Variants in CLDN14 observed in about 807,000 individuals in gnomAD.
CLDN14 encodes claudin 14.
A neutral mutation model predicts 2.1 loss-of-function variants in CLDN14; 2 were observed. That is an observed-to-expected ratio of 0.96 (90% CI 0.39 to 3.01). CLDN14 has a LOEUF of 3.01. Among genes scored for constraint, CLDN14 ranks in the 30% most tolerant of loss-of-function variants. The probability of loss-of-function intolerance (pLI) is 0.09; values close to 1 mark genes in which losing one functional copy is unlikely to be tolerated. For missense variants in CLDN14, 298 were observed against 328.0 expected, an observed-to-expected ratio of 0.91 and a Z score of 0.71; for synonymous variants, 136 against 154.4, an observed-to-expected ratio of 0.88 and a Z score of 0.88.
rs148276782 is a variant in CLDN14, at chr21:36,474,393, T to C, written c.-82+5102A>G. The stretch of plus-strand genomic sequence containing the variant: ...ACAATTTCAAATGATACTTATAAGA[T>C]GCTTGCTAGACCTCATGATGTAATG... On this transcript the variant is annotated intron_variant, in intron 1 of 1. Transcript: ENST00000399135. 3.4e-3 allele frequency among the ~76,000 whole-genome samples: 525 copies of C among 152,352 alleles called. 2 individuals are homozygous for C. The highest frequency in any genetic ancestry group is 0.014 in the Middle Eastern group (4 of 294).
intron 1 of CLDN14, among the ~76,000 whole-genome samples, chr21:36,554,371 A>G (rs1268525560): frequency 6.6e-6 from 1 of 152,116 alleles, no homozygotes; most frequent in Non-Finnish European, 1.5e-5. Context: ...CCAGTCTCAA[A>G]AGAAGGGCTT....
At chr21:36,486,929 C>A in intron 2 of CLDN14, 1 of 575,088 alleles carries the variant, frequency 1.7e-6, no homozygotes, top group South Asian at 1.6e-5. Context: ...ACTTCACAGT[C>A]ATTAGCCAGT....
intron 1 of CLDN14, among the ~76,000 whole-genome samples, chr21:36,547,616 C>T (rs372215666): frequency 4.6e-5 from 7 of 152,118 alleles, no homozygotes; most frequent in Admixed American, 1.3e-4. Flanking sequence ...AAGTTAAATG[C>T]GAGGGTCCCT....
At chr21:36,543,333 T>C (rs1456853436) in intron 1 of CLDN14, among the ~76,000 whole-genome samples, 2 of 152,230 alleles carry the variant, frequency 1.3e-5, no homozygotes, top group African/African-American at 2.4e-5. Context: ...AAAATGTCCC[T>C]GCTCTTTGAG....
At chr21:36,492,695 C>CA (rs1217092125) in intron 2 of CLDN14, among the ~76,000 whole-genome samples, 2 of 151,898 alleles carry the variant, frequency 1.3e-5, no homozygotes, top group Admixed American at 1.3e-4. Context: ...GCTGTCCTTA[C>CA]AAAAAAAGGA....
intron 1 of CLDN14, among the ~76,000 whole-genome samples, chr21:36,543,010 C>G (rs2087502190): frequency 6.6e-6 from 1 of 152,220 alleles, no homozygotes; most frequent in African/African-American, 2.4e-5. Context: ...AATAGCACAA[C>G]CTGGCGGGGG....
intron 1 of CLDN14, among the ~76,000 whole-genome samples, chr21:36,557,414 T>C (rs1225426338): frequency 6.6e-6 from 1 of 151,992 alleles, no homozygotes; most frequent in African/African-American, 2.4e-5. Flanking sequence ...CCACCAAGAG[T>C]GAACAAGCGT....
Position 36,480,065 on chromosome 21 carries a change from GTCC to G in CLDN14, c.-655_-653del, listed in dbSNP as rs139003220. 2 of 152,610 alleles carry G rather than the reference GTCC, an allele frequency of 1.3e-5. No homozygotes were observed. The highest frequency in any genetic ancestry group is 1.9e-4 in the East Asian group (1 of 5,200). 9.5% of individuals were successfully genotyped at this position (152,610 alleles called of 1,614,324 possible). A position where few individuals can be genotyped will look rare whatever the true frequency, so the allele number is the denominator to read the frequency against. ...CTGACCACCTGCCCACAGCGACTGT[GTCC>G]TCCTCTGAGCCACCACCTGGCGGTT... On this transcript the variant is annotated 5_prime_UTR_variant, in exon 1 of 2. Coordinates refer to ENST00000399135, the MANE Select transcript of CLDN14 (RefSeq NM_001146079.2).
chr21:36,553,984 T>C (rs1274656712), intron 1 of CLDN14, among the ~76,000 whole-genome samples: 1 of 152,148 alleles, frequency 6.6e-6, no homozygotes, highest in Non-Finnish European at 1.5e-5. Flanking sequence ...TGGCCTTCAA[T>C]TGTCTCTAGA....
intron 1 of CLDN14, among the ~76,000 whole-genome samples, chr21:36,562,654 C>A (rs1037990340): frequency 6.6e-6 from 1 of 151,372 alleles, no homozygotes; most frequent in Non-Finnish European, 1.5e-5. Flanking sequence ...ATGCGTTCAC[C>A]CTTATCTTTA....
chr21:36,485,010 C>T (rs1461210249), upstream of CLDN14, among the ~76,000 whole-genome samples: 1 of 151,672 alleles, frequency 6.6e-6, no homozygotes, highest in African/African-American at 2.4e-5. Context: ...CTGTACTGGG[C>T]TGATAAGGGC....
chr21:36,507,609 C>CA, intron 2 of CLDN14, among the ~76,000 whole-genome samples: 1 of 152,208 alleles, frequency 6.6e-6, no homozygotes, highest in East Asian at 1.9e-4. Flanking sequence ...ACTAAAAATA[C>CA]AAAAATTAGT....
intron 1 of CLDN14, among the ~76,000 whole-genome samples, chr21:36,558,375 G>C (rs984464800): frequency 1.3e-5 from 2 of 152,136 alleles, no homozygotes; most frequent in African/African-American, 4.8e-5. Context: ...GCTTTGGGTA[G>C]TATGAATCTT....
Position 36,498,090 on chromosome 21 carries a change from C to A in CLDN14, c.-82+12273G>T, listed in dbSNP as rs986224892. Among the ~76,000 whole-genome samples the A allele has an allele frequency of 6.6e-6, 1 of 152,014 alleles. No individual in the cohort carries two copies. Among genetic ancestry groups the A allele is most frequent in the Non-Finnish European group, 1.5e-5 (1 of 68,002 alleles). On this transcript the variant is annotated intron_variant, in intron 2 of 2. Coordinates refer to the CLDN14 transcript ENST00000342108. The surrounding 1 kb of genome is among the most constrained non-coding windows in gnomAD (Gnocchi z 4.9). Reference sequence around the variant, plus strand: ...TCTTGGCTCACTGCAACCTCCACCGCCCGGGGTTCAAGCGATTCTCCTGTC... The same window carrying A: ...TCTTGGCTCACTGCAACCTCCACCGACCGGGGTTCAAGCGATTCTCCTGTC...
chr21:36,532,920 A>G (rs934044481), intron 1 of CLDN14, among the ~76,000 whole-genome samples: 3 of 152,138 alleles, frequency 2.0e-5, no homozygotes, highest in African/African-American at 4.8e-5. Flanking sequence ...CAACATCTGC[A>G]TTGGTGACCG....
intron 2 of CLDN14, among the ~76,000 whole-genome samples, chr21:36,492,391 G>A (rs953339826): frequency 3.0e-5 from 3 of 100,172 alleles, no homozygotes; most frequent in South Asian, 4.4e-4. Context: ...CCGAGATTGC[G>A]CCACTGCAGT....
At position 36,535,765 on chromosome 21, in the gene CLDN14, C is replaced by T. The variant is rs369779512; in HGVS notation, c.-219-25265G>A. On this transcript the variant is annotated intron_variant, in intron 1 of 2. Transcript: ENST00000342108. ...TCTCTGTGGCCAACAATTTCTGTAACGTCATGTATAAGCAACTGAAAAATT... is the reference window on the plus strand; with the variant it reads ...TCTCTGTGGCCAACAATTTCTGTAATGTCATGTATAAGCAACTGAAAAATT... Among the ~76,000 whole-genome samples the T allele has an allele frequency of 4.3e-4, 66 of 152,160 alleles. No homozygotes were observed. The South Asian group carries it at 0.013, about 31-fold the overall frequency.
At chr21:36,519,093 C>A (rs1312162860) in intron 1 of CLDN14, among the ~76,000 whole-genome samples, 2 of 152,208 alleles carry the variant, frequency 1.3e-5, no homozygotes, top group African/African-American at 2.4e-5. Context: ...TCACCCACTG[C>A]AGCTGCAGAA....
intron 2 of CLDN14, among the ~76,000 whole-genome samples, chr21:36,497,997 G>A (rs1335944347): frequency 1.3e-5 from 2 of 151,788 alleles, no homozygotes; most frequent in South Asian, 2.1e-4. Context: ...TCAGCGAGAG[G>A]AAGATGCTTT....
Sources: allele counts gnomAD v4.1 joint callset (sites outside exome capture counted in the v4.1 genomes callset), GRCh38; gene constraint gnomAD v4.1.1; non-coding constraint Gnocchi (gnomAD v3.1); transcripts MANE v1.5; gene names NCBI Gene and HGNC (gene_info 2026-07-23, HGNC 2026-07-21).